The following DNAH14 variants were observed in gnomAD, a reference collection of about 807,000 sequenced individuals.
DNAH14 encodes dynein axonemal heavy chain 14, also known as axonemal beta dynein heavy chain 14.
In DNAH14, 478 loss-of-function variants were observed where a neutral mutation model predicts 520.9. The observed-to-expected ratio is 0.92, with a 90% CI of 0.85 to 0.99. The LOEUF (loss-of-function observed/expected upper bound fraction) is 0.99, where lower values mean the gene tolerates loss of function less well. Ranked by LOEUF, DNAH14 falls within the 50% of genes least tolerant of loss-of-function variation. DNAH14 has a pLI of 0.00. For synonymous variants in DNAH14, 1,581 were observed against 1,757.2 expected (o/e 0.90, Z 2.51); for missense variants, 4,831 against 5,234.5 (o/e 0.92, Z 2.38).
chr1:225,244,850 C>A (rs895837294), intron 43 of DNAH14, among the ~76,000 whole-genome samples: 2 of 152,102 alleles, frequency 1.3e-5, no homozygotes, highest in Admixed American at 1.3e-4. Flanking sequence ...CTATCTCCTT[C>A]AGTTCTGCTC....
At chr1:225,238,837 GAGGCCA>G (rs2091784034) in intron 42 of DNAH14, among the ~76,000 whole-genome samples, 2 of 152,170 alleles carry the variant, frequency 1.3e-5, no homozygotes, top group Non-Finnish European at 2.9e-5. Flanking sequence ...CCTCTGCATG[GAGGCCA>G]CACCCAGTGA....
chr1:225,107,234 G>T (rs1177502530), intron 23 of DNAH14, among the ~76,000 whole-genome samples: 2 of 152,164 alleles, frequency 1.3e-5, no homozygotes, highest in Non-Finnish European at 2.9e-5. Context: ...TCATTCCTCT[G>T]GAAGTTTTGT....
intron 38 of DNAH14, among the ~76,000 whole-genome samples, chr1:225,199,418 G>A (rs1487691112): frequency 1.3e-5 from 2 of 152,012 alleles, no homozygotes; most frequent in African/African-American, 2.4e-5. Flanking sequence ...GTTCCTTGAA[G>A]TGTGACCTTA....
At position 225,085,582 on chromosome 1, in the gene DNAH14, C is replaced by G; in HGVS notation, c.3366C>G (p.Thr1122=). 1 of 1,547,658 alleles carries G rather than the reference C, an allele frequency of 6.5e-7. No individual in the cohort carries two copies. Among genetic ancestry groups the G allele is most frequent in the Non-Finnish European group, 8.7e-7 (1 of 1,143,530 alleles). The change falls in exon 21 of 86, where the codon ACC becomes ACG. Residue 1122 remains threonine (T), a synonymous_variant. Transcript: ENST00000682510. The part of the protein sequence containing the change: ...QYENEINDMS[T]SATNEAALEK... ...AAAATGAAATAAATGATATGTCAAC[C>G]TCAGCAACTAATGAAGCTGCTCTTG...
At chr1:225,027,160 T>C (rs1362073668) in intron 11 of DNAH14, among the ~76,000 whole-genome samples, 6 of 152,170 alleles carry the variant, frequency 3.9e-5, no homozygotes, top group Admixed American at 3.3e-4. Context: ...TTACAACTAA[T>C]TGTTTAGGAT....
At chr1:225,206,907 G>A in intron 40 of DNAH14, 61 bp from the exon 41 acceptor site, 2 of 1,348,222 alleles carry the variant, frequency 1.5e-6, no homozygotes, top group South Asian at 1.8e-5. Context: ...GAGTAAGATA[G>A]TAGAAGGATA....
rs2061264419 is a variant in DNAH14, at chr1:224,967,595, TG to T, written c.651+14del. ...CATTTATCTCAAAGGTAATGTTTAA[TG>T]GATGTTTTAAGCTTTCAGAATTATA... On this transcript the variant is annotated intron_variant, in intron 6 of 85. Transcript: ENST00000682510. 1 of 1,599,312 alleles carries T rather than the reference TG, an allele frequency of 6.3e-7. No individual in the cohort carries two copies. The highest frequency in any genetic ancestry group is 1.8e-5 in the Admixed American group (1 of 56,428).
In DNAH14 at chr1:225,358,600, T is replaced by C. The variant is rs79877014; in HGVS notation, c.11724T>C (p.Asp3908=). The change falls in exon 74 of 86, where the codon GAT becomes GAC. Residue 3908 remains aspartate, a synonymous_variant. Transcript: ENST00000682510. ...YLQRTGVNLK[D]AYKGSNARTP... is the part of the protein sequence containing the mutation. ...AAAGAACTGGAGTTAATTTGAAAGA[T>C]GCATATAAAGGATCCAATGCCAGAA... 1.5e-3 allele frequency: 2,277 copies of C among 1,549,260 alleles called. 58 individuals are homozygous for C. The East Asian group carries it at 0.049, about 34-fold the overall frequency.
At chr1:225,188,391 A>G (rs1347455462) in intron 37 of DNAH14, among the ~76,000 whole-genome samples, 1 of 151,922 alleles carries the variant, frequency 6.6e-6, no homozygotes, top group African/African-American at 2.4e-5. Context: ...TTACATTCAT[A>G]TCAGTTTTAA....
intron 36 of DNAH14, among the ~76,000 whole-genome samples, chr1:225,182,067 C>T (rs1030539779): frequency 6.6e-6 from 1 of 152,112 alleles, no homozygotes; most frequent in Non-Finnish European, 1.5e-5. Context: ...GGCATGATGG[C>T]ATGCGCCTGT....
chr1:224,974,827 G>T (rs1238460621), intron 8 of DNAH14, among the ~76,000 whole-genome samples: 2 of 152,034 alleles, frequency 1.3e-5, no homozygotes, highest in Admixed American at 1.3e-4. Context: ...AATGCTTCCA[G>T]TTTTTGCCCA....
intron 8 of DNAH14, among the ~76,000 whole-genome samples, chr1:225,002,134 C>T (rs1169094437): frequency 6.6e-6 from 1 of 152,048 alleles, no homozygotes; most frequent in African/African-American, 2.4e-5. Flanking sequence ...CAGAAGTCCC[C>T]CTCTTCTCCA....
chr1:224,978,507 G>T (rs189834124), intron 8 of DNAH14, among the ~76,000 whole-genome samples: 19 of 152,290 alleles, frequency 1.2e-4, no homozygotes, highest in African/African-American at 3.8e-4. Context: ...GATGAGAAGG[G>T]TGTTGGGGAG....
intron 54 of DNAH14, among the ~76,000 whole-genome samples, chr1:225,287,355 G>T (rs1431142667): frequency 1.3e-5 from 2 of 152,134 alleles, no homozygotes; most frequent in Admixed American, 1.3e-4. Flanking sequence ...AAAGTGGTTT[G>T]GGGGTAAAGT....
At position 225,231,112 on chromosome 1, in the gene DNAH14, C is replaced by T; in HGVS notation, c.6479C>T (p.Ser2160Phe). The T allele has an allele frequency of 6.5e-7, 1 of 1,547,448 alleles. No homozygotes were observed. The highest frequency in any genetic ancestry group is 8.7e-7 in the Non-Finnish European group (1 of 1,145,072). Residue 2160 changes from serine to phenylalanine, a missense_variant, in exon 42 of 86, where the codon TCC (serine) becomes TTC (phenylalanine). Physicochemically the swap from Ser to Phe is radical, Grantham distance 155 (BLOSUM62 -2). Coordinates refer to ENST00000682510, the MANE Select transcript of DNAH14 (RefSeq NM_001367479.1). ...GACACGTCATCTAAGGAGGCAAATT[C>T]CCAAAGAGAGTCTGTCACATTCAAG... The part of the protein sequence containing the change: ...LNDTSSKEAN[S>F]QRESVTFKDI...
chr1:225,216,099 A>T (rs930019218), intron 41 of DNAH14, among the ~76,000 whole-genome samples: 2 of 152,206 alleles, frequency 1.3e-5, no homozygotes, highest in Non-Finnish European at 2.9e-5. Flanking sequence ...TGACGGTGAC[A>T]AAATGTCTCA....
At chr1:225,020,653 A>G (rs947480613) in intron 10 of DNAH14, among the ~76,000 whole-genome samples, 1 of 152,128 alleles carries the variant, frequency 6.6e-6, no homozygotes, top group African/African-American at 2.4e-5. Context: ...ATAAAGAGTA[A>G]TAACAGACCA....
chr1:225,245,431 A>T (rs2092225620), intron 43 of DNAH14, among the ~76,000 whole-genome samples: 2 of 152,158 alleles, frequency 1.3e-5, no homozygotes, highest in South Asian at 4.1e-4. Flanking sequence ...TCTGTCTAAT[A>T]TTCACAGTGG....
intron 10 of DNAH14, among the ~76,000 whole-genome samples, chr1:225,008,647 G>A (rs1235564123): frequency 9.2e-6 from 1 of 108,244 alleles, no homozygotes; most frequent in Admixed American, 1.3e-4. Flanking sequence ...GGATTGTCTT[G>A]ATCTCCTGAC....
Sources: gnomAD v4.1 joint callset for allele counts (sites outside exome capture counted in the v4.1 genomes callset) on GRCh38, gnomAD v4.1.1 for gene constraint, MANE v1.5 for transcripts, NCBI Gene and HGNC (gene_info 2026-07-23, HGNC 2026-07-21) for gene names.